Variants in DNAH5 observed in about 807,000 individuals in gnomAD.
The protein encoded by DNAH5 is axonemal beta dynein heavy chain 5.
Under a neutral mutation model 518.2 loss-of-function variants are expected in DNAH5, and 372 were observed. The ratio of observed to expected loss-of-function variants is 0.72; its 90% confidence interval spans 0.66 to 0.78. The LOEUF is 0.78. Among genes scored for constraint, DNAH5 ranks in the 30% least tolerant of loss-of-function variants. DNAH5 has a pLI of 0.00. For missense variants in DNAH5, 5,523 were observed against 5,687.0 expected (o/e 0.97, Z 0.93); for synonymous variants, 2,039 against 2,025.9 (o/e 1.01, Z -0.17).
chr5:13,861,709 C>A (rs373538816), intron 29 of DNAH5, among the ~76,000 whole-genome samples: 6 of 152,190 alleles, frequency 3.9e-5, no homozygotes, highest in African/African-American at 1.4e-4. Flanking sequence ...GTAATGCCAG[C>A]ATTTTGGGAG....
chr5:13,864,419 A>C lies in DNAH5; in HGVS notation c.4574T>G (p.Leu1525Arg), dbSNP rs749792446. ...KLRNIMEAPL[L>R]KYKEEIEDIC... ...TACCTCTATTTCCTCTTTATATTTCAGAAGAGGTGCCTCCATGATATTTCT... is the reference window on the plus strand; with the variant it reads ...TACCTCTATTTCCTCTTTATATTTCCGAAGAGGTGCCTCCATGATATTTCT... Residue 1525 changes from leucine (L) to arginine (R), a missense_variant, in exon 28 of 79, where the codon CTG becomes CGG. Physicochemically the swap from Leu to Arg is moderately radical, Grantham distance 102. Transcript: ENST00000265104. The C allele has an allele frequency of 1.6e-5, 26 of 1,613,948 alleles. No homozygotes were observed. Among genetic ancestry groups the C allele is most frequent in the Non-Finnish European group, 2.1e-5 (25 of 1,179,964 alleles).
chr5:13,885,867 A>T, intron 18 of DNAH5, 97 bp downstream of exon 18: 1 of 1,135,348 alleles, frequency 8.8e-7, no homozygotes, highest in Non-Finnish European at 1.3e-6. Context: ...GAGGATGTTT[A>T]TAGAAGTATG....
chr5:13,824,806 C>T lies in DNAH5; in HGVS notation c.6445-473G>A, dbSNP rs922698325. ...GAATCAGGGAGAAAAAAAGCACCTGCGCTTCAGGATTACCTGAAGGAGGAA... is the reference window on the plus strand; with the variant it reads ...GAATCAGGGAGAAAAAAAGCACCTGTGCTTCAGGATTACCTGAAGGAGGAA... On this transcript the variant is annotated intron_variant, in intron 38 of 78. Coordinates refer to ENST00000265104, the MANE Select transcript of DNAH5 (RefSeq NM_001369.3). Among the ~76,000 whole-genome samples the T allele has an allele frequency of 1.3e-4, 20 of 152,176 alleles. No homozygotes were observed. The East Asian group carries it at 3.1e-3, about 24-fold the overall frequency.
At chr5:13,987,086 A>G (rs1473082073) in intron 1 of DNAH5, among the ~76,000 whole-genome samples, 1 of 152,142 alleles carries the variant, frequency 6.6e-6, no homozygotes, top group Non-Finnish European at 1.5e-5. Context: ...ATGTGGCCTC[A>G]TGGCAGAAGC....
At chr5:13,966,643 C>T (rs1301119458) in intron 1 of DNAH5, among the ~76,000 whole-genome samples, 2 of 152,090 alleles carry the variant, frequency 1.3e-5, no homozygotes, top group Non-Finnish European at 2.9e-5. Context: ...TGTTTGTTGG[C>T]CATTTGTATA....
At chr5:13,818,187 C>T (rs1000944271) in intron 41 of DNAH5, among the ~76,000 whole-genome samples, 2 of 152,202 alleles carry the variant, frequency 1.3e-5, no homozygotes, top group African/African-American at 2.4e-5. Context: ...GAAATGTATT[C>T]AAGAAATGTA....
chr5:13,885,929 G>A (rs201961011), intron 18 of DNAH5, 35 bp downstream of exon 18: 10 of 1,595,548 alleles, frequency 6.3e-6, no homozygotes, highest in Non-Finnish European at 8.6e-6. Context: ...AAATGTCATA[G>A]AAAAACAAGA....
At chr5:13,764,339 G>A (rs1275994477) in intron 59 of DNAH5, among the ~76,000 whole-genome samples, 7 of 152,016 alleles carry the variant, frequency 4.6e-5, no homozygotes, top group African/African-American at 1.7e-4. Context: ...GAAAGCAGCA[G>A]AAAATATTTG....
intron 58 of DNAH5, among the ~76,000 whole-genome samples, chr5:13,768,384 A>C (rs1752806895): frequency 6.6e-6 from 1 of 152,164 alleles, no homozygotes; most frequent in South Asian, 2.1e-4. Context: ...AGGCCTCCCC[A>C]GCCATGCGGA....
chr5:13,814,499 A>G (rs1761171998), intron 43 of DNAH5, 106 bp downstream of exon 43: 1 of 1,088,722 alleles, frequency 9.2e-7, no homozygotes, highest in African/African-American at 1.6e-5. Flanking sequence ...ATTAGCATAA[A>G]AATGCAGTTA....
rs932147408 is a variant in DNAH5 at position 13,721,350 on chromosome 5, C to A, written c.12034-105G>T. On this transcript the variant is annotated intron_variant, in intron 70 of 78. Transcript: ENST00000265104. The stretch of plus-strand genomic sequence containing the variant: ...ATTTTTGTAATTATCTCAGTGATGT[C>A]CACAGTAACCCTGTCAGGCAAACAG... 9 of 1,349,054 alleles carry A rather than the reference C, an allele frequency of 6.7e-6. No individual in the cohort carries two copies. The African/African-American group carries it at 1.3e-4, about 19-fold the overall frequency. 83.6% of individuals were successfully genotyped at this position (1,349,054 alleles called of 1,614,324 possible). A position where few individuals can be genotyped will look rare whatever the true frequency, so the allele number is the denominator to read the frequency against.
At chr5:13,833,396 G>T (rs368569487) in intron 35 of DNAH5, among the ~76,000 whole-genome samples, 1 of 146,068 alleles carries the variant, frequency 6.8e-6, no homozygotes, top group Admixed American at 7.0e-5. Flanking sequence ...CCGAGATCAC[G>T]CCACTGCACT....
upstream of DNAH5, among the ~76,000 whole-genome samples, chr5:13,947,429 T>C (rs140985231): frequency 5.9e-4 from 90 of 152,322 alleles, 1 homozygote; most frequent in African/African-American, 2.1e-3. Flanking sequence ...AAATTAGACG[T>C]TAGAAATAAA....
chr5:13,806,498 T>C (rs1243990340), intron 47 of DNAH5, among the ~76,000 whole-genome samples: 1 of 152,206 alleles, frequency 6.6e-6, no homozygotes, highest in Admixed American at 6.5e-5. Context: ...TTCAACAAGT[T>C]TCATTGCTCT....
chr5:14,007,659 C>T (rs1196788359), intron 1 of DNAH5, among the ~76,000 whole-genome samples: 1 of 152,186 alleles, frequency 6.6e-6, no homozygotes, highest in Non-Finnish European at 1.5e-5. Context: ...ACAACTATCA[C>T]ATGTGCACTC....
At chr5:13,862,811 C>A (rs115114167) in intron 28 of DNAH5, 64 bp from the exon 29 acceptor site, 2 of 1,081,418 alleles carry the variant, frequency 1.8e-6, no homozygotes, top group African/African-American at 1.6e-5. Flanking sequence ...TAATAGTCTA[C>A]GTGCAATACC....
At chr5:13,980,534 C>A (rs570144629) in intron 1 of DNAH5, among the ~76,000 whole-genome samples, 2 of 152,130 alleles carry the variant, frequency 1.3e-5, no homozygotes, top group South Asian at 4.2e-4. Flanking sequence ...TTCTCTCATC[C>A]CCCTTCACTT....
intron 28 of DNAH5, 106 bp from the exon 29 acceptor site, chr5:13,862,853 A>ATATAT (rs55675172): frequency 6.6e-6 from 2 of 302,624 alleles, no homozygotes; most frequent in Admixed American, 5.0e-5. Context: ...TATATATATA[A>ATATAT]ATATATATAT....
At chr5:13,917,318 C>T in intron 7 of DNAH5, 62 bp from the exon 8 acceptor site, 4 of 1,241,014 alleles carry the variant, frequency 3.2e-6, no homozygotes, top group Non-Finnish European at 4.7e-6. Context: ...TCCAACACAA[C>T]CACTGCTAAG....
Sources: gnomAD v4.1 joint callset for allele counts (sites outside exome capture counted in the v4.1 genomes callset) on GRCh38, gnomAD v4.1.1 for gene constraint, MANE v1.5 for transcripts, NCBI Gene and HGNC (gene_info 2026-07-23, HGNC 2026-07-21) for gene names.